The following PIP4K2A variants were observed in gnomAD, a reference collection of about 807,000 sequenced individuals.
PIP4K2A encodes phosphatidylinositol-5-phosphate 4-kinase type 2 alpha, also known as phosphatidylinositol 5-phosphate 4-kinase type-2 alpha.
In PIP4K2A, 14 loss-of-function variants were observed where a neutral mutation model predicts 42.9. The observed-to-expected ratio is 0.33, with a 90% CI of 0.22 to 0.51. The LOEUF (loss-of-function observed/expected upper bound fraction) is 0.51, where lower values mean the gene tolerates loss of function less well. Ranked by LOEUF, PIP4K2A falls within the 20% of genes least tolerant of loss-of-function variation. The pLI is 0.97. For synonymous variants in PIP4K2A, 192 were observed against 192.2 expected (o/e 1.00, Z 0.01); for missense variants, 434 against 519.8 (o/e 0.83, Z 1.61).
chr10:22,662,773 C>T lies in PIP4K2A; in HGVS notation c.144+51410G>A, dbSNP rs538863207. On this transcript the variant is annotated intron_variant, in intron 1 of 9. Coordinates refer to ENST00000376573, the MANE Select transcript of PIP4K2A (RefSeq NM_005028.5). Reference sequence around the variant, plus strand: ...AGGGGCAAGGAATTAACTAAAACTCCCCCCGCCACAATGGTGAGGACACCC... The same window carrying T: ...AGGGGCAAGGAATTAACTAAAACTCTCCCCGCCACAATGGTGAGGACACCC... Among the ~76,000 whole-genome samples the T allele has an allele frequency of 2.6e-5, 4 of 152,216 alleles. No individual in the cohort carries two copies. In the South Asian group the frequency reaches 8.3e-4, roughly 32 times the overall value.
chr10:22,651,144 G>A (rs1385363340), intron 1 of PIP4K2A, among the ~76,000 whole-genome samples: 1 of 152,136 alleles, frequency 6.6e-6, no homozygotes, highest in Non-Finnish European at 1.5e-5. Flanking sequence ...CTGGATGAGT[G>A]GATGTCTAGT....
intron 6 of PIP4K2A, among the ~76,000 whole-genome samples, chr10:22,559,472 G>T (rs1354430540): frequency 2.0e-5 from 3 of 152,162 alleles, no homozygotes; most frequent in African/African-American, 2.4e-5. Context: ...GGATTTTAAT[G>T]CTGTCATCTG....
rs1838819053 is a variant in PIP4K2A, at chr10:22,643,415, C to A, written c.145-33698G>T. Among the ~76,000 whole-genome samples, 4 of 152,082 alleles carry A rather than the reference C, an allele frequency of 2.6e-5. No homozygotes were observed. In the South Asian group the frequency reaches 8.3e-4, roughly 32 times the overall value. The stretch of plus-strand genomic sequence containing the variant: ...GCCTAAAATACTTACTGTCTTTTTG[C>A]AGAAAAAGTTTGCTCACCCTTAGAT... On this transcript the variant is annotated intron_variant, in intron 1 of 9. Coordinates refer to ENST00000376573, the MANE Select transcript of PIP4K2A (RefSeq NM_005028.5).
At chr10:22,570,036 C>T (rs761390856) in intron 5 of PIP4K2A, among the ~76,000 whole-genome samples, 75 of 151,826 alleles carry the variant, frequency 4.9e-4, no homozygotes, top group Non-Finnish European at 8.7e-4. Context: ...ATATGTTTAC[C>T]AGATGCCTAC....
chr10:22,540,050 A>C lies in PIP4K2A; in HGVS notation c.1061T>G (p.Phe354Cys), dbSNP rs1396086505. Residue 354 changes from phenylalanine to cysteine, a missense_variant, in exon 9 of 10, where the codon TTC becomes TGC. This residue lies in a region of PIP4K2A where 39 missense variants were observed against 75.3 expected (regional missense o/e 0.52). Coordinates refer to ENST00000376573, the MANE Select transcript of PIP4K2A (RefSeq NM_005028.5). The stretch of plus-strand genomic sequence containing the variant: ...AGTAAGGATGTCAATAATTGCCATG[A>C]AGTACACCTCCTTCCTAGGCGAGTC... ...HENSPRKEVY[F>C]MAIIDILTHY... The C allele has an allele frequency of 1.2e-6, 2 of 1,609,716 alleles. No homozygotes were observed. Among genetic ancestry groups the C allele is most frequent in the South Asian group, 1.1e-5 (1 of 90,990 alleles).
At chr10:22,636,967 G>A (rs952667631) in intron 1 of PIP4K2A, among the ~76,000 whole-genome samples, 28 of 152,234 alleles carry the variant, frequency 1.8e-4, no homozygotes, top group Admixed American at 1.8e-3. Context: ...AGTGAGACCA[G>A]AAGAACTGCG....
At chr10:22,599,742 C>T (rs905813622) in intron 3 of PIP4K2A, among the ~76,000 whole-genome samples, 2 of 152,174 alleles carry the variant, frequency 1.3e-5, no homozygotes, top group African/African-American at 4.8e-5. Flanking sequence ...GTACTTTTCC[C>T]ATAGCCAAAT....
chr10:22,539,661 A>G (rs1458412905), intron 9 of PIP4K2A: 1 of 290,222 alleles, frequency 3.4e-6, no homozygotes, highest in African/African-American at 2.2e-5. Context: ...CGCCATGTGT[A>G]AAAAGAAGAG....
In PIP4K2A at chr10:22,591,763, C is replaced by A. The variant is rs753756346; in HGVS notation, c.358G>T (p.Ala120Ser). Residue 120 changes from alanine to serine, a missense_variant, in exon 4 of 10, where the codon GCA becomes TCA. Transcript: ENST00000376573. ...QDFQNSLTRS[A>S]PLPNDSQARS... Reference sequence around the variant, plus strand: ...GCCTGGGAGTCGTTGGGGAGGGGTGCGCTCCTGGTCAGGGAATTCTTCCCG... The same window carrying A: ...GCCTGGGAGTCGTTGGGGAGGGGTGAGCTCCTGGTCAGGGAATTCTTCCCG... 5 of 1,610,172 alleles carry A rather than the reference C, an allele frequency of 3.1e-6. No homozygotes were observed. The highest frequency in any genetic ancestry group is 2.2e-5 in the East Asian group (1 of 44,712).
At position 22,683,716 on chromosome 10, in the gene PIP4K2A, A is replaced by G. The variant is rs1336639494; in HGVS notation, c.144+30467T>C. Among the ~76,000 whole-genome samples the G allele has an allele frequency of 2.0e-5, 3 of 152,048 alleles. No individual in the cohort carries two copies. In the South Asian group the frequency reaches 6.2e-4, roughly 32 times the overall value. On this transcript the variant is annotated intron_variant, in intron 1 of 9. Coordinates refer to ENST00000376573, the MANE Select transcript of PIP4K2A (RefSeq NM_005028.5). ...TATCATGGTTTTTAATCACAGCTTC[A>G]TCTTTCCAGACTGCAGCGTCCCTCC...
chr10:22,539,911 GGGAGAGAGA>G, intron 9 of PIP4K2A, 51 bp downstream of exon 9: 1 of 110,610 alleles, frequency 9.0e-6, no homozygotes, highest in South Asian at 1.5e-4. Context: ...GAGAGAGAGA[GGGAGAGAGA>G]GAGAGAGAGA....
At chr10:22,579,202 T>C (rs1588639060) in intron 4 of PIP4K2A, among the ~76,000 whole-genome samples, 1 of 151,952 alleles carries the variant, frequency 6.6e-6, no homozygotes, top group Non-Finnish European at 1.5e-5. Flanking sequence ...TCGGAAATGG[T>C]CACAGTTTAT....
At chr10:22,629,282 T>A (rs1778319) in intron 1 of PIP4K2A, among the ~76,000 whole-genome samples, 10,052 of 152,216 alleles carry the variant, frequency 0.066, 490 homozygotes, top group African/African-American at 0.14. Flanking sequence ...TATTTTACTT[T>A]TATGTGGTTA....
At chr10:22,712,271 C>T (rs1445598725) in intron 1 of PIP4K2A, among the ~76,000 whole-genome samples, 2 of 152,082 alleles carry the variant, frequency 1.3e-5, no homozygotes, top group Admixed American at 6.5e-5. Flanking sequence ...AAGGTAGCAA[C>T]GTAAGTGGTT....
rs1350754900 is a variant in PIP4K2A, at chr10:22,535,092, A to ATGAC, written c.*2105_*2108dup. On this transcript the variant is annotated 3_prime_UTR_variant, in exon 10 of 10. Transcript: ENST00000376573. Reference sequence around the variant, plus strand: ...CCAAATGGTTTATCAACAGAAATAAATGACAGACTGTTTGTTATAGACAAA... The same window carrying ATGAC: ...CCAAATGGTTTATCAACAGAAATAAATGACTGACAGACTGTTTGTTATAGACAAA... 1 of 152,274 alleles carries ATGAC rather than the reference A, an allele frequency of 6.6e-6. No homozygotes were observed. The highest frequency in any genetic ancestry group is 6.5e-5 in the Admixed American group (1 of 15,292). 9.4% of individuals were successfully genotyped at this position (152,274 alleles called of 1,614,324 possible).
chr10:22,685,919 A>G (rs1240266864), intron 1 of PIP4K2A, among the ~76,000 whole-genome samples: 1 of 152,140 alleles, frequency 6.6e-6, no homozygotes, highest in Admixed American at 6.5e-5. Context: ...TTGTAATTTA[A>G]TAACAATTAC....
chr10:22,555,537 C>T (rs1836516075), intron 6 of PIP4K2A, among the ~76,000 whole-genome samples: 1 of 152,174 alleles, frequency 6.6e-6, no homozygotes, highest in Non-Finnish European at 1.5e-5. Context: ...AACATTTTAA[C>T]ACTAGCTGTG....
rs1835952659 is a variant in PIP4K2A, at chr10:22,537,050, C to T, written c.*151G>A. Reference sequence around the variant, plus strand: ...ATCAGGTAGCTGTAAAGCGAGTAGCCCCCAAATCAGTCATCTTGGCCTGAA... The same window carrying T: ...ATCAGGTAGCTGTAAAGCGAGTAGCTCCCAAATCAGTCATCTTGGCCTGAA... On this transcript the variant is annotated 3_prime_UTR_variant, in exon 10 of 10. Transcript: ENST00000376573. The T allele has an allele frequency of 1.6e-6, 1 of 627,874 alleles. No individual in the cohort carries two copies. The highest frequency in any genetic ancestry group is 2.8e-6 in the Non-Finnish European group (1 of 351,364). The allele number at this position is 627,874 out of a possible 1,614,324, so 38.9% of individuals were successfully genotyped here. A position where few individuals can be genotyped will look rare whatever the true frequency, so the allele number is the denominator to read the frequency against.
chr10:22,638,794 C>T (rs1838720583), intron 1 of PIP4K2A, among the ~76,000 whole-genome samples: 1 of 152,148 alleles, frequency 6.6e-6, no homozygotes, highest in African/African-American at 2.4e-5. Context: ...GTCCAAAAAT[C>T]ATGGTGCCTT....
Sources: gnomAD v4.1 joint callset for allele counts (sites outside exome capture counted in the v4.1 genomes callset) on GRCh38, gnomAD v4.1.1 for gene constraint, gnomAD v4.1.1 regional missense constraint, MANE v1.5 for transcripts, NCBI Gene and HGNC (gene_info 2026-07-23, HGNC 2026-07-21) for gene names.